The following PTPRD variants were observed in gnomAD, a reference collection of about 807,000 sequenced individuals.
PTPRD encodes receptor-type tyrosine-protein phosphatase delta.
In PTPRD, 34 loss-of-function variants were observed where a neutral mutation model predicts 214.5. The ratio of observed to expected loss-of-function variants is 0.16; its 90% CI spans 0.12 to 0.21. The LOEUF is 0.21. Among genes scored for constraint, PTPRD ranks in the 10% least tolerant of loss-of-function variants. The pLI, the probability that PTPRD is intolerant of heterozygous loss-of-function variation, is 1.00. For synonymous variants in PTPRD, 1,128 were observed against 845.7 expected (o/e 1.33, Z -5.79); for missense variants, 2,545 against 2,398.7 (o/e 1.06, Z -1.27).
At chr9:9,166,740 T>C (rs1269477188) in intron 10 of PTPRD, among the ~76,000 whole-genome samples, 1 of 152,080 alleles carries the variant, frequency 6.6e-6, no homozygotes, top group African/African-American at 2.4e-5. Context: ...CCTTGGAGTT[T>C]GTGTGTAAGT....
chr9:8,342,350 A>C (rs994174227), intron 39 of PTPRD, among the ~76,000 whole-genome samples: 10 of 152,126 alleles, frequency 6.6e-5, no homozygotes, highest in Admixed American at 4.6e-4. Context: ...ATATTGGTCC[A>C]GATCTGGCTA....
At chr9:10,432,554 C>T (rs73644452) in intron 2 of PTPRD, among the ~76,000 whole-genome samples, 4,451 of 152,016 alleles carry the variant, frequency 0.029, 232 homozygotes, top group African/African-American at 0.1. Context: ...GCTCTTAACA[C>T]CTGTCACATT....
At chr9:9,770,554 C>A (rs1413325642) in intron 5 of PTPRD, among the ~76,000 whole-genome samples, 3 of 152,174 alleles carry the variant, frequency 2.0e-5, no homozygotes, top group South Asian at 4.1e-4. Context: ...TTAATGTAAT[C>A]TAAAGTGAAA....
chr9:9,838,443 T>A (rs1377174878), intron 5 of PTPRD, among the ~76,000 whole-genome samples: 16 of 152,254 alleles, frequency 1.1e-4, no homozygotes, highest in African/African-American at 3.6e-4. Flanking sequence ...GTTTCCTGAC[T>A]TTTTAATGAT....
chr9:9,848,047 G>A (rs1180894921), intron 5 of PTPRD, among the ~76,000 whole-genome samples: 1 of 152,144 alleles, frequency 6.6e-6, no homozygotes, highest in Non-Finnish European at 1.5e-5. Context: ...AAAGACTTGT[G>A]AATAAGTCAG....
intron 5 of PTPRD, among the ~76,000 whole-genome samples, chr9:9,803,487 AT>A (rs1025204961): frequency 6.6e-6 from 1 of 151,932 alleles, no homozygotes; most frequent in African/African-American, 2.4e-5. Context: ...GCATTTTCTC[AT>A]TTTAAATACA....
At chr9:10,507,579 T>C (rs924136605) in intron 2 of PTPRD, among the ~76,000 whole-genome samples, 6 of 152,178 alleles carry the variant, frequency 3.9e-5, no homozygotes, top group East Asian at 1.9e-4. Flanking sequence ...CAAAACAGCA[T>C]GCCACTGGTA....
chr9:8,344,837 T>G (rs1413248888), intron 39 of PTPRD, among the ~76,000 whole-genome samples: 2 of 151,950 alleles, frequency 1.3e-5, no homozygotes, highest in Non-Finnish European at 2.9e-5. Context: ...CAGTTAACTC[T>G]TATTAACGTT....
intron 5 of PTPRD, among the ~76,000 whole-genome samples, chr9:9,892,566 C>T (rs1566058114): frequency 6.6e-6 from 1 of 151,994 alleles, no homozygotes; most frequent in Admixed American, 6.6e-5. Context: ...GATGGAAAAA[C>T]ATTGGAACTA....
At chr9:10,152,419 A>C (rs1395438741) in intron 3 of PTPRD, among the ~76,000 whole-genome samples, 1 of 152,198 alleles carries the variant, frequency 6.6e-6, no homozygotes, top group African/African-American at 2.4e-5. Flanking sequence ...CAAATCATTC[A>C]TCAGATATGT....
At chr9:8,774,286 T>C (rs1047489561) in intron 11 of PTPRD, among the ~76,000 whole-genome samples, 1 of 152,082 alleles carries the variant, frequency 6.6e-6, no homozygotes, top group Non-Finnish European at 1.5e-5. Context: ...TTATAAGAAA[T>C]TGGATTCAAT....
intron 11 of PTPRD, among the ~76,000 whole-genome samples, chr9:8,954,103 T>C (rs1036470495): frequency 6.6e-6 from 1 of 151,962 alleles, no homozygotes; most frequent in Non-Finnish European, 1.5e-5. Context: ...CAGGCACCCA[T>C]TCACAATGGA....
Position 9,125,197 on chromosome 9 carries a change from G to A in PTPRD, c.-143+58107C>T, listed in dbSNP as rs548417317. On this transcript the variant is annotated intron_variant, in intron 10 of 45. Coordinates refer to ENST00000381196, the MANE Select transcript of PTPRD (RefSeq NM_002839.4). ...AGCAGAACTGGCTCCTTACTTAGCAGAGTGGGCCACTCCTAAGCAGTATGG... is the reference window on the plus strand; with the variant it reads ...AGCAGAACTGGCTCCTTACTTAGCAAAGTGGGCCACTCCTAAGCAGTATGG... 3.3e-4 allele frequency among the ~76,000 whole-genome samples: 50 copies of A among 152,262 alleles called. 1 individual carries two copies. Among genetic ancestry groups the A allele is most frequent in the Admixed American group, 2.9e-3 (45 of 15,292 alleles).
chr9:9,751,799 T>G (rs2098522982), intron 6 of PTPRD, among the ~76,000 whole-genome samples: 1 of 152,134 alleles, frequency 6.6e-6, no homozygotes, highest in Non-Finnish European at 1.5e-5. Context: ...GTCTGTTGTT[T>G]AAGCTGCTCA....
At chr9:9,341,762 T>C (rs1441560831) in intron 9 of PTPRD, among the ~76,000 whole-genome samples, 1 of 152,070 alleles carries the variant, frequency 6.6e-6, no homozygotes, top group Non-Finnish European at 1.5e-5. Context: ...ATGATATATG[T>C]AGACTGAAAG....
chr9:10,128,841 A>G (rs565033618), intron 3 of PTPRD, among the ~76,000 whole-genome samples: 1 of 152,262 alleles, frequency 6.6e-6, no homozygotes, highest in Admixed American at 6.5e-5. Flanking sequence ...GTCACCTGGG[A>G]GATATTACAT....
intron 14 of PTPRD, among the ~76,000 whole-genome samples, chr9:8,561,611 G>A (rs1416079417): frequency 6.6e-6 from 1 of 152,296 alleles, no homozygotes; most frequent in East Asian, 1.9e-4. Flanking sequence ...GGGGTGAGGG[G>A]GGGTGGAGAG....
chr9:8,565,033 A>T (rs1204189389), intron 14 of PTPRD, among the ~76,000 whole-genome samples: 1 of 152,218 alleles, frequency 6.6e-6, no homozygotes, highest in African/African-American at 2.4e-5. Context: ...AAATGCCCTC[A>T]AATGAAAGTA....
chr9:9,594,406 GTC>G (rs2093073710), intron 7 of PTPRD, among the ~76,000 whole-genome samples: 1 of 151,992 alleles, frequency 6.6e-6, no homozygotes, highest in Non-Finnish European at 1.5e-5. Context: ...ATAGTTTTAG[GTC>G]TTAGATTTAA....
Sources: allele counts gnomAD v4.1 joint callset (sites outside exome capture counted in the v4.1 genomes callset), GRCh38; gene constraint gnomAD v4.1.1; transcripts MANE v1.5; gene names NCBI Gene and HGNC (gene_info 2026-07-23, HGNC 2026-07-21).